The following PDE4D variants were observed in gnomAD, a reference collection of about 807,000 sequenced individuals.
The protein encoded by PDE4D is 3',5'-cyclic-AMP phosphodiesterase 4D.
Under a neutral mutation model 87.4 loss-of-function variants are expected in PDE4D, and 24 were observed. The observed-to-expected ratio is 0.27, with a 90% CI of 0.20 to 0.39. The LOEUF (loss-of-function observed/expected upper bound fraction) is 0.39. PDE4D is among the 10% of genes least tolerant of loss of function. The probability of loss-of-function intolerance (pLI) is 1.00; values close to 1 mark genes in which losing one functional copy is unlikely to be tolerated. For missense variants in PDE4D, 714 were observed against 1,041.0 expected, an observed-to-expected ratio of 0.69 and a Z score of 4.32; for synonymous variants, 384 against 383.2, an observed-to-expected ratio of 1.00 and a Z score of -0.02.
intron 1 of PDE4D, among the ~76,000 whole-genome samples, chr5:59,817,113 T>A (rs1211382014): frequency 6.6e-6 from 1 of 152,218 alleles, no homozygotes; most frequent in Non-Finnish European, 1.5e-5. Flanking sequence ...CCTCCTGGGA[T>A]GGGCTCCAGA....
At chr5:60,303,429 C>G (rs1168929357) in intron 1 of PDE4D, among the ~76,000 whole-genome samples, 4 of 151,798 alleles carry the variant, frequency 2.6e-5, no homozygotes, top group African/African-American at 9.7e-5. Flanking sequence ...CTGCCTCAGC[C>G]TCCCGTGTAG....
At chr5:60,364,453 A>G (rs958173522) in intron 1 of PDE4D, among the ~76,000 whole-genome samples, 2 of 152,218 alleles carry the variant, frequency 1.3e-5, no homozygotes, top group Non-Finnish European at 2.9e-5. Context: ...CTCTATTGTA[A>G]AATATTAAGT....
intron 1 of PDE4D, among the ~76,000 whole-genome samples, chr5:59,553,379 G>A (rs936436929): frequency 1.3e-5 from 2 of 152,096 alleles, no homozygotes; most frequent in African/African-American, 2.4e-5. Flanking sequence ...TATATGTGGG[G>A]TCTCCATGCC....
At chr5:59,037,836 G>GAA (rs55997866) in intron 6 of PDE4D, among the ~76,000 whole-genome samples, 21 of 148,116 alleles carry the variant, frequency 1.4e-4, no homozygotes, top group Admixed American at 3.3e-4. Flanking sequence ...TAGAAAGGTA[G>GAA]AAAAAAAAAA....
intron 2 of PDE4D, among the ~76,000 whole-genome samples, chr5:60,000,841 C>A (rs929650878): frequency 6.6e-6 from 1 of 152,044 alleles, no homozygotes; most frequent in African/African-American, 2.4e-5. Flanking sequence ...ACTATGATAT[C>A]CTAAAACTGA....
intron 5 of PDE4D, among the ~76,000 whole-genome samples, chr5:59,086,891 G>C (rs1487606251): frequency 1.3e-5 from 2 of 151,988 alleles, no homozygotes; most frequent in Non-Finnish European, 2.9e-5. Context: ...TTTCTCATAT[G>C]ATTATTGTAG....
At chr5:59,553,488 C>T (rs1276307668) in intron 1 of PDE4D, among the ~76,000 whole-genome samples, 1 of 152,096 alleles carries the variant, frequency 6.6e-6, no homozygotes, top group African/African-American at 2.4e-5. Context: ...TCCTCATAAC[C>T]TAGCTGCGAA....
rs141646815 is a variant in PDE4D, at chr5:59,066,364, C to G, written c.809-27393G>C. On this transcript the variant is annotated intron_variant, in intron 5 of 14. Transcript: ENST00000340635. ...AGGAGCTATTAGGGCACAAGAAGAG[C>G]AAGGGTGAAGTGCAGAAAGGAGTGA... Among the ~76,000 whole-genome samples the G allele has an allele frequency of 2.4e-3, 368 of 152,186 alleles. 1 individual carries two copies. Among genetic ancestry groups the G allele is most frequent in the Admixed American group, 6.7e-3 (102 of 15,276 alleles).
intron 5 of PDE4D, among the ~76,000 whole-genome samples, chr5:59,051,697 A>T (rs1303547067): frequency 5.9e-5 from 9 of 152,232 alleles, no homozygotes; most frequent in Non-Finnish European, 1.2e-4. Context: ...AACAAGCATT[A>T]TCTAAACCTG....
At chr5:59,002,441 C>T (rs1750726159) in intron 6 of PDE4D, among the ~76,000 whole-genome samples, 1 of 152,012 alleles carries the variant, frequency 6.6e-6, no homozygotes, top group Admixed American at 6.6e-5. Flanking sequence ...CAGCTCTCAT[C>T]CTGCTTTCTT....
intron 2 of PDE4D, among the ~76,000 whole-genome samples, chr5:59,200,793 GAAC>G (rs1747161585): frequency 2.6e-5 from 4 of 151,502 alleles, no homozygotes; most frequent in South Asian, 2.1e-4. Flanking sequence ...GGGAGATATA[GAAC>G]AACTTAAAGA....
rs563138575 is a variant in PDE4D, at chr5:59,175,471, C to CTTTTTTTTTTTT, written c.808+5112_808+5123dup. ...TTCGGAACTCTATCCATTTTTCTTTCTTTTTTTTTTTTTTTTTTTTTTTTT... is the reference window on the plus strand; with the variant it reads ...TTCGGAACTCTATCCATTTTTCTTTCTTTTTTTTTTTTTTTTTTTTTTTTTTTTTTTTTTTTT... On this transcript the variant is annotated intron_variant, in intron 5 of 14. Coordinates refer to ENST00000340635, the MANE Select transcript of PDE4D (RefSeq NM_001104631.2). Among the ~76,000 whole-genome samples, 12 of 91,208 alleles carry CTTTTTTTTTTTT rather than the reference C, an allele frequency of 1.3e-4. 1 individual carries two copies. The highest frequency in any genetic ancestry group is 4.1e-4 in the East Asian group (1 of 2,420). The allele number at this position is 91,208 out of a possible 152,430, so 59.8% of individuals were successfully genotyped here.
intron 6 of PDE4D, among the ~76,000 whole-genome samples, chr5:59,012,120 C>T (rs545200430): frequency 6.6e-6 from 1 of 152,146 alleles, no homozygotes; most frequent in Non-Finnish European, 1.5e-5. Context: ...TTTGTCACCA[C>T]CAGGCCTGCC....
intron 1 of PDE4D, among the ~76,000 whole-genome samples, chr5:60,256,169 G>A (rs545879399): frequency 6.6e-6 from 1 of 152,008 alleles, no homozygotes; most frequent in African/African-American, 2.4e-5. Flanking sequence ...GGTGGCCAAA[G>A]TTGTCCTCTC....
intron 1 of PDE4D, among the ~76,000 whole-genome samples, chr5:60,417,917 G>A (rs934691366): frequency 2.0e-5 from 3 of 151,748 alleles, no homozygotes; most frequent in Non-Finnish European, 4.4e-5. Context: ...AACACTCTAA[G>A]CTAACATTAA....
At chr5:59,311,998 T>C (rs569350113) in intron 1 of PDE4D, among the ~76,000 whole-genome samples, 119 of 151,984 alleles carry the variant, frequency 7.8e-4, no homozygotes, top group Middle Eastern at 3.4e-3. Flanking sequence ...CCTTTGGAGG[T>C]GAAAGAGGGA....
At chr5:59,029,391 T>C (rs1311541340) in intron 6 of PDE4D, among the ~76,000 whole-genome samples, 1 of 113,730 alleles carries the variant, frequency 8.8e-6, no homozygotes, top group Admixed American at 1.4e-4. Context: ...CACTCTAGCC[T>C]GGGCAACAGA....
chr5:59,678,450 C>T (rs868594800), intron 1 of PDE4D, among the ~76,000 whole-genome samples: 1 of 151,960 alleles, frequency 6.6e-6, no homozygotes, highest in African/African-American at 2.4e-5. Flanking sequence ...GGAAGTACCA[C>T]AATTTAGTCT....
At chr5:60,230,185 A>G (rs1485448588) in intron 1 of PDE4D, among the ~76,000 whole-genome samples, 1 of 152,142 alleles carries the variant, frequency 6.6e-6, no homozygotes, top group Non-Finnish European at 1.5e-5. Context: ...TCAATTTTAA[A>G]AAACAATGAT....
Sources: allele counts gnomAD v4.1 joint callset (sites outside exome capture counted in the v4.1 genomes callset), GRCh38; gene constraint gnomAD v4.1.1; transcripts MANE v1.5; gene names NCBI Gene and HGNC (gene_info 2026-07-23, HGNC 2026-07-21).